The following ABCC4 variants were observed in gnomAD, a reference collection of about 807,000 sequenced individuals.
ABCC4 encodes the protein ATP binding cassette subfamily C member 4 (PEL blood group), also known as ATP-binding cassette sub-family C member 4.
Under a neutral mutation model 168.5 loss-of-function variants are expected in ABCC4, and 102 were observed. That is an observed-to-expected ratio of 0.61 (90% CI 0.52 to 0.71). ABCC4 has a LOEUF of 0.71. ABCC4 is among the 30% of genes least tolerant of loss of function. ABCC4 has a pLI of 0.00. For synonymous variants in ABCC4, 617 were observed against 590.7 expected (o/e 1.04, Z -0.65); for missense variants, 1,402 against 1,605.8 (o/e 0.87, Z 2.17).
chr13:95,284,017 T>C (rs973975404), intron 1 of ABCC4, among the ~76,000 whole-genome samples: 11 of 151,530 alleles, frequency 7.3e-5, no homozygotes, highest in Middle Eastern at 3.4e-3. Context: ...CTGACCAACA[T>C]AGAGAAACCC....
intron 19 of ABCC4, among the ~76,000 whole-genome samples, chr13:95,119,711 G>A (rs116751822): frequency 0.014 from 2,175 of 152,226 alleles, 62 homozygotes; most frequent in African/African-American, 0.05. Flanking sequence ...AAGTTCCCAT[G>A]TCTACTGTGA....
At chr13:95,254,501 C>T (rs1388583362) in intron 1 of ABCC4, among the ~76,000 whole-genome samples, 2 of 152,132 alleles carry the variant, frequency 1.3e-5, no homozygotes, top group Non-Finnish European at 2.9e-5. Flanking sequence ...CCAAACAGAA[C>T]ACCTTTTCAT....
intron 19 of ABCC4, among the ~76,000 whole-genome samples, chr13:95,144,180 C>A (rs978341781): frequency 6.6e-6 from 1 of 151,586 alleles, no homozygotes; most frequent in Non-Finnish European, 1.5e-5. Flanking sequence ...AATAAGATAT[C>A]CACATTCATT....
At chr13:95,114,423 T>C (rs778375671) in intron 20 of ABCC4, among the ~76,000 whole-genome samples, 6 of 152,204 alleles carry the variant, frequency 3.9e-5, no homozygotes, top group Non-Finnish European at 5.9e-5. Flanking sequence ...TTTCACAAAA[T>C]CTTCTTGAAG....
At chr13:95,133,135 A>G (rs1427318662) in intron 19 of ABCC4, among the ~76,000 whole-genome samples, 1 of 99,564 alleles carries the variant, frequency 1.0e-5, no homozygotes, top group Non-Finnish European at 1.9e-5. Context: ...TTTTTTGGAG[A>G]CAGAATCTTG....
chr13:95,124,467 G>A (rs1181742987), intron 19 of ABCC4, among the ~76,000 whole-genome samples: 1 of 151,148 alleles, frequency 6.6e-6, no homozygotes, highest in Non-Finnish European at 1.5e-5. Context: ...CAAGGGGAGA[G>A]GACTGTTTGA....
intron 3 of ABCC4, among the ~76,000 whole-genome samples, chr13:95,245,321 C>T (rs1470543277): frequency 6.6e-6 from 1 of 152,266 alleles, no homozygotes; most frequent in Admixed American, 6.5e-5. Context: ...ATTCCCACTA[C>T]ACCTAACCAG....
intron 1 of ABCC4, among the ~76,000 whole-genome samples, chr13:95,299,374 C>T (rs2041616337): frequency 6.6e-6 from 1 of 151,996 alleles, no homozygotes; most frequent in African/African-American, 2.4e-5. Flanking sequence ...TCCTCCTCCA[C>T]GTGCCCCTCT....
At chr13:95,065,501 A>G (rs954943442) in intron 25 of ABCC4, among the ~76,000 whole-genome samples, 2 of 152,214 alleles carry the variant, frequency 1.3e-5, no homozygotes, top group African/African-American at 4.8e-5. Flanking sequence ...ATTATTTAAT[A>G]AAAGTATTTA....
chr13:95,233,197 A>G (rs1170638108), intron 4 of ABCC4, among the ~76,000 whole-genome samples: 1 of 152,154 alleles, frequency 6.6e-6, no homozygotes, highest in African/African-American at 2.4e-5. Flanking sequence ...ACACTTTACA[A>G]TGTACATTAT....
chr13:95,289,839 G>A (rs924224990), intron 1 of ABCC4, among the ~76,000 whole-genome samples: 2 of 152,168 alleles, frequency 1.3e-5, no homozygotes, highest in South Asian at 4.1e-4. Context: ...GCTCACACCT[G>A]TAATCCCAGC....
intron 26 of ABCC4, chr13:95,055,900 CAAA>C (rs35705143): frequency 6.8e-6 from 1 of 146,996 alleles, no homozygotes; most frequent in African/African-American, 2.5e-5. Context: ...GCAACAACAG[CAAA>C]AAAAAAACCC....
intron 19 of ABCC4, among the ~76,000 whole-genome samples, chr13:95,139,243 G>GAC (rs1383118406): frequency 6.6e-6 from 1 of 152,220 alleles, no homozygotes; most frequent in African/African-American, 2.4e-5. Flanking sequence ...TTACAAAAGA[G>GAC]ACATGATGGG....
At position 95,116,056 on chromosome 13, in the gene ABCC4, G is replaced by A. The variant is rs768269826; in HGVS notation, c.2456-55C>T. On this transcript the variant is annotated intron_variant, in intron 19 of 30. Transcript: ENST00000645237. ...ATTTCCCCAGATAGACCCTTTAAGAGAAACAATTCGCAAACAAATCAAAAC... is the reference window on the plus strand; with the variant it reads ...ATTTCCCCAGATAGACCCTTTAAGAAAAACAATTCGCAAACAAATCAAAAC... 3.5e-4 allele frequency: 450 copies of A among 1,288,674 alleles called. 4 individuals are homozygous for A. The Middle Eastern group carries it at 0.011, about 31-fold the overall frequency. The allele number at this position is 1,288,674 out of a possible 1,614,324, so 79.8% of individuals were successfully genotyped here. A position where few individuals can be genotyped will look rare whatever the true frequency, so the allele number is the denominator to read the frequency against.
rs1395209031 is a variant in ABCC4, at chr13:95,244,638, A to G, written c.306+2337T>C. 9.7e-3 allele frequency among the ~76,000 whole-genome samples: 665 copies of G among 68,804 alleles called. 9 individuals carry two copies. The highest frequency in any genetic ancestry group is 0.017 in the Middle Eastern group (3 of 178). The allele number at this position is 68,804 out of a possible 152,430, so 45.1% of individuals were successfully genotyped here. A position where few individuals can be genotyped will look rare whatever the true frequency, so the allele number is the denominator to read the frequency against. Reference sequence around the variant, plus strand: ...GAAAGAAAGAAAGAAAGAAAGAAAGAAAGAAAGAAAGAAAGAAAGAAAGAA... The same window carrying G: ...GAAAGAAAGAAAGAAAGAAAGAAAGGAAGAAAGAAAGAAAGAAAGAAAGAA... On this transcript the variant is annotated intron_variant, in intron 3 of 30. Coordinates refer to ENST00000645237, the MANE Select transcript of ABCC4 (RefSeq NM_005845.5).
rs1489296581 is a variant in ABCC4 at position 95,236,361 on chromosome 13, C to A, written c.307-1527G>T. On this transcript the variant is annotated intron_variant, in intron 3 of 30. Coordinates refer to ENST00000645237, the MANE Select transcript of ABCC4 (RefSeq NM_005845.5). ...AAAACAACTTTTCCTTTTAAGCAAT[C>A]TCTCCTTCTTAACAAAGACATAATA... Among the ~76,000 whole-genome samples the A allele has an allele frequency of 3.4e-5, 5 of 147,354 alleles. No individual in the cohort carries two copies. The South Asian group carries it at 9.4e-4, about 28-fold the overall frequency.
intron 21 of ABCC4, among the ~76,000 whole-genome samples, chr13:95,081,665 C>A (rs935214949): frequency 3.3e-5 from 5 of 152,134 alleles, no homozygotes; most frequent in Non-Finnish European, 7.3e-5. Flanking sequence ...TGGACTGTCA[C>A]CCCTTCTACT....
intron 11 of ABCC4, 45 bp from the exon 12 acceptor site, chr13:95,178,136 A>C (rs200523349): frequency 3.9e-6 from 6 of 1,531,856 alleles, no homozygotes; most frequent in Non-Finnish European, 5.4e-6. Context: ...GACTTAAAAC[A>C]TGTTCTTCCT....
At position 95,083,177 on chromosome 13, in the gene ABCC4, C is replaced by T. The variant is rs2034152348; in HGVS notation, c.2649G>A (p.Leu883=). 1.9e-6 allele frequency: 3 copies of T among 1,613,618 alleles called. No homozygotes were observed. In the African/African-American group the frequency reaches 4.0e-5, roughly 22 times the overall value. The change falls in exon 21 of 31, where the codon TTG becomes TTA. Residue 883 remains leucine (L), a synonymous_variant. Coordinates refer to ENST00000645237, the MANE Select transcript of ABCC4 (RefSeq NM_005845.5). Reference sequence around the variant, plus strand: ...GGCGCTTCACATCTCTTGACGTTTCCAAAAAATATCGCCGAAGAAAAATGA... The same window carrying T: ...GGCGCTTCACATCTCTTGACGTTTCTAAAAAATATCGCCGAAGAAAAATGA... ...IIFIFLRRYF[L]ETSRDVKRLE... is the part of the protein sequence containing the mutation.
Sources: allele counts gnomAD v4.1 joint callset (sites outside exome capture counted in the v4.1 genomes callset), GRCh38; gene constraint gnomAD v4.1.1; transcripts MANE v1.5; gene names NCBI Gene and HGNC (gene_info 2026-07-23, HGNC 2026-07-21).